The following RTRAF variants were observed in gnomAD, a reference collection of about 807,000 sequenced individuals.
RTRAF encodes tRNA-splicing ligase complex subunit RTRAF.
A neutral mutation model predicts 34.4 loss-of-function variants in RTRAF; 14 were observed. That is an observed-to-expected ratio of 0.41 (90% CI 0.27 to 0.64). The LOEUF is 0.64. Among genes scored for constraint, RTRAF ranks in the 30% least tolerant of loss-of-function variants. RTRAF has a pLI of 0.34. For synonymous variants in RTRAF, 96 were observed against 95.3 expected (o/e 1.01, Z -0.04); for missense variants, 291 against 288.4 (o/e 1.01, Z -0.06).
chr14:52,004,326 T>A lies in RTRAF; in HGVS notation c.581-36T>A, dbSNP rs562537400. On this transcript the variant is annotated intron_variant, in intron 7 of 7. Coordinates refer to ENST00000261700, the MANE Select transcript of RTRAF (RefSeq NM_016039.3). ...AATAAATGGCCTTAAATGTAAAAAT[T>A]ATGTATTGAAGCAGTGTTCTTTTCT... is the stretch of plus-strand genomic sequence containing the variant. 124 of 1,609,664 alleles carry A rather than the reference T, an allele frequency of 7.7e-5. 1 individual carries two copies. The South Asian group carries it at 1.4e-3, about 18-fold the overall frequency.
chr14:51,989,587 C>T lies in RTRAF; in HGVS notation c.-53C>T, dbSNP rs538270168. 1.3e-6 allele frequency: 2 copies of T among 1,546,018 alleles called. No homozygotes were observed. The highest frequency in any genetic ancestry group is 1.2e-5 in the South Asian group (1 of 83,186). The stretch of plus-strand genomic sequence containing the variant: ...GGTGCCTGCGCCTCCCGCTCCACCT[C>T]GCTTCTTCTCTCCCGGCCGAGGCCC... On this transcript the variant is annotated 5_prime_UTR_variant, in exon 1 of 8. Coordinates refer to ENST00000261700, the MANE Select transcript of RTRAF (RefSeq NM_016039.3).
rs1464652270 is a variant in RTRAF at position 52,005,395 on chromosome 14, T to C, written c.*879T>C. 1 of 1,318,014 alleles carries C rather than the reference T, an allele frequency of 7.6e-7. No individual in the cohort carries two copies. Among genetic ancestry groups the C allele is most frequent in the African/African-American group, 1.5e-5 (1 of 67,928 alleles). The allele number at this position is 1,318,014 out of a possible 1,614,324, so 81.6% of individuals were successfully genotyped here. The stretch of plus-strand genomic sequence containing the variant: ...TGCTCAGGAACGTCTAATGGCCAAT[T>C]CCTTTTTTACTTTCTTTGCCTTTGC... On this transcript the variant is annotated 3_prime_UTR_variant, in exon 8 of 8. Coordinates refer to ENST00000261700, the MANE Select transcript of RTRAF (RefSeq NM_016039.3).
chr14:52,007,792 T>A lies in RTRAF; in HGVS notation c.*3276T>A. On this transcript the variant is annotated 3_prime_UTR_variant, in exon 8 of 8. Transcript: ENST00000261700. ...TGTGATGAGAGGTTATCTATTTGCA[T>A]TCCATCAGTAGTATTACCTGCATCT... 1 of 1,607,166 alleles carries A rather than the reference T, an allele frequency of 6.2e-7. No individual in the cohort carries two copies. Among genetic ancestry groups the A allele is most frequent in the Middle Eastern group, 1.7e-4 (1 of 6,034 alleles).
chr14:52,001,173 C>T (rs989662375), intron 5 of RTRAF, among the ~76,000 whole-genome samples: 12 of 152,144 alleles, frequency 7.9e-5, no homozygotes, highest in African/African-American at 2.9e-4. Context: ...TAAGTTTTCA[C>T]ACTTATTTTT....
chr14:51,994,993 T>C (rs1273548252), intron 3 of RTRAF, among the ~76,000 whole-genome samples: 1 of 151,706 alleles, frequency 6.6e-6, no homozygotes, highest in Non-Finnish European at 1.5e-5. Flanking sequence ...TCTTATGTCT[T>C]AGCAGCAGTA....
In RTRAF at chr14:52,006,216, A is replaced by T; in HGVS notation, c.*1700A>T. The stretch of plus-strand genomic sequence containing the variant: ...TAAGCCCTGTAATATAGCTCATGGT[A>T]TCAAGGGTAGTCTTATTCTCTAAAG... On this transcript the variant is annotated 3_prime_UTR_variant, in exon 8 of 8. Coordinates refer to ENST00000261700, the MANE Select transcript of RTRAF (RefSeq NM_016039.3). 2.5e-6 allele frequency: 1 copy of T among 393,730 alleles called. No individual in the cohort carries two copies. Among genetic ancestry groups the T allele is most frequent in the South Asian group, 2.9e-5 (1 of 34,746 alleles). The allele number at this position is 393,730 out of a possible 1,614,324, so 24.4% of individuals were successfully genotyped here. A position where few individuals can be genotyped will look rare whatever the true frequency, so the allele number is the denominator to read the frequency against.
intron 1 of RTRAF, 124 bp from the exon 2 acceptor site, chr14:51,991,193 G>A: frequency 1.0e-6 from 1 of 980,652 alleles, no homozygotes; most frequent in African/African-American, 1.6e-5. Flanking sequence ...CCCTCTTTTG[G>A]TTCAATTAAT....
In RTRAF at chr14:52,008,934, A is replaced by T. The variant is rs919455737; in HGVS notation, c.*4418A>T. On this transcript the variant is annotated 3_prime_UTR_variant, in exon 8 of 8. Coordinates refer to ENST00000261700, the MANE Select transcript of RTRAF (RefSeq NM_016039.3). Reference sequence around the variant, plus strand: ...AAAATGAAATATATTCATAACAGATACTAACGAGGAAATATGGTCCTATTA... The same window carrying T: ...AAAATGAAATATATTCATAACAGATTCTAACGAGGAAATATGGTCCTATTA... The T allele has an allele frequency of 6.6e-6, 1 of 152,348 alleles. No homozygotes were observed. Among genetic ancestry groups the T allele is most frequent in the African/African-American group, 2.4e-5 (1 of 41,594 alleles). 9.4% of individuals were successfully genotyped at this position (152,348 alleles called of 1,614,324 possible). A position where few individuals can be genotyped will look rare whatever the true frequency, so the allele number is the denominator to read the frequency against.
intron 5 of RTRAF, 190 bp downstream of exon 5, chr14:51,999,986 T>A: frequency 2.1e-6 from 1 of 467,798 alleles, no homozygotes; most frequent in Admixed American, 3.5e-5. Context: ...CTATGCTAAA[T>A]CCTTTGCAAA....
chr14:51,993,601 A>G (rs1404621426), intron 2 of RTRAF, 122 bp from the exon 3 acceptor site: 5 of 636,138 alleles, frequency 7.9e-6, no homozygotes, highest in Non-Finnish European at 1.4e-5. Flanking sequence ...TCAAAAGTGT[A>G]GTAATGTTAT....
intron 1 of RTRAF, 72 bp from the exon 2 acceptor site, chr14:51,991,245 C>G: frequency 6.9e-7 from 1 of 1,454,592 alleles, no homozygotes; most frequent in Non-Finnish European, 9.5e-7. Flanking sequence ...GAACATATAT[C>G]TGAACATATA....
Position 52,005,899 on chromosome 14 carries a change from A to AAG in RTRAF, c.*1385_*1386dup. ...TTCAGGGACAGTCATTTACTAGATA[A>AAG]AGAAGTCAGTCAGCCACAGAAAATC... is the stretch of plus-strand genomic sequence containing the variant. On this transcript the variant is annotated 3_prime_UTR_variant, in exon 8 of 8. Transcript: ENST00000261700. The AAG allele has an allele frequency of 7.3e-7, 1 of 1,363,258 alleles. No homozygotes were observed. Among genetic ancestry groups the AAG allele is most frequent in the East Asian group, 2.4e-5 (1 of 42,198 alleles). 84.4% of individuals were successfully genotyped at this position (1,363,258 alleles called of 1,614,324 possible). A position where few individuals can be genotyped will look rare whatever the true frequency, so the allele number is the denominator to read the frequency against.
rs1337347202 is a variant in RTRAF at position 52,010,642 on chromosome 14, T to C, written c.*6126T>C. ...CTACATATCACATCACAGACTAATA[T>C]TGTTTATACCAGTCTTGTTTCCTCC... is the stretch of plus-strand genomic sequence containing the variant. On this transcript the variant is annotated 3_prime_UTR_variant, in exon 8 of 8. Coordinates refer to ENST00000261700, the MANE Select transcript of RTRAF (RefSeq NM_016039.3). 1.6e-5 allele frequency: 7 copies of C among 445,892 alleles called. No homozygotes were observed. Among genetic ancestry groups the C allele is most frequent in the Admixed American group, 3.3e-5 (1 of 29,976 alleles). The allele number at this position is 445,892 out of a possible 1,614,324, so 27.6% of individuals were successfully genotyped here.
rs1890743623 is a variant in RTRAF at position 52,005,622 on chromosome 14, G to A, written c.*1106G>A. 7 of 1,417,068 alleles carry A rather than the reference G, an allele frequency of 4.9e-6. No homozygotes were observed. Among genetic ancestry groups the A allele is most frequent in the Non-Finnish European group, 7.0e-6 (7 of 1,006,048 alleles). The allele number at this position is 1,417,068 out of a possible 1,614,324, so 87.8% of individuals were successfully genotyped here. ...TTAAGGTAGTAAAGACTGGCCCTCAGGGCAGGAAGAAGGCAATGGTGGCAG... is the reference window on the plus strand; with the variant it reads ...TTAAGGTAGTAAAGACTGGCCCTCAAGGCAGGAAGAAGGCAATGGTGGCAG... On this transcript the variant is annotated 3_prime_UTR_variant, in exon 8 of 8. Coordinates refer to ENST00000261700, the MANE Select transcript of RTRAF (RefSeq NM_016039.3).
At chr14:51,995,891 C>T (rs367592159) in intron 3 of RTRAF, among the ~76,000 whole-genome samples, 125 of 152,094 alleles carry the variant, frequency 8.2e-4, no homozygotes, top group African/African-American at 2.8e-3. Context: ...GATTTTAGGG[C>T]CTTTAACAAG....
rs1195144355 is a variant in RTRAF, at chr14:51,989,629, A to G, written c.-11A>G. 2.5e-6 allele frequency: 4 copies of G among 1,599,892 alleles called. No individual in the cohort carries two copies. In the Admixed American group the frequency reaches 6.8e-5, roughly 27 times the overall value. Reference sequence around the variant, plus strand: ...CCGAGGCCCGGGGGACCAGAGCGAGAAGCGGGGACCATGTTCCGACGCAAG... The same window carrying G: ...CCGAGGCCCGGGGGACCAGAGCGAGGAGCGGGGACCATGTTCCGACGCAAG... On this transcript the variant is annotated 5_prime_UTR_variant, in exon 1 of 8. Transcript: ENST00000261700.
chr14:52,006,308 T>A lies in RTRAF; in HGVS notation c.*1792T>A. 1 of 496,008 alleles carries A rather than the reference T, an allele frequency of 2.0e-6. No individual in the cohort carries two copies. Among genetic ancestry groups the A allele is most frequent in the Non-Finnish European group, 3.6e-6 (1 of 274,590 alleles). The allele number at this position is 496,008 out of a possible 1,614,324, so 30.7% of individuals were successfully genotyped here. ...AATAGCTTTGCTACTTTTTAAGCTATATGTGAGCAATACCATTCGATTTCT... is the reference window on the plus strand; with the variant it reads ...AATAGCTTTGCTACTTTTTAAGCTAAATGTGAGCAATACCATTCGATTTCT... On this transcript the variant is annotated 3_prime_UTR_variant, in exon 8 of 8. Coordinates refer to ENST00000261700, the MANE Select transcript of RTRAF (RefSeq NM_016039.3).
rs1463639587 is a variant in RTRAF at position 52,006,154 on chromosome 14, C to G, written c.*1638C>G. ...ACTAGTCTAAATAGTATTTTTCGGT[C>G]CCTCAGACAATATGTCCACAGTGTC... On this transcript the variant is annotated 3_prime_UTR_variant, in exon 8 of 8. Coordinates refer to ENST00000261700, the MANE Select transcript of RTRAF (RefSeq NM_016039.3). 1 of 409,770 alleles carries G rather than the reference C, an allele frequency of 2.4e-6. No individual in the cohort carries two copies. The highest frequency in any genetic ancestry group is 4.8e-5 in the East Asian group (1 of 20,830). The allele number at this position is 409,770 out of a possible 1,614,324, so 25.4% of individuals were successfully genotyped here.
Position 52,008,161 on chromosome 14 carries a change from C to T in RTRAF, c.*3645C>T, listed in dbSNP as rs1025062568. 8 of 464,612 alleles carry T rather than the reference C, an allele frequency of 1.7e-5. No homozygotes were observed. The highest frequency in any genetic ancestry group is 1.2e-4 in the Admixed American group (3 of 24,788). The allele number at this position is 464,612 out of a possible 1,614,324, so 28.8% of individuals were successfully genotyped here. A position where few individuals can be genotyped will look rare whatever the true frequency, so the allele number is the denominator to read the frequency against. On this transcript the variant is annotated 3_prime_UTR_variant, in exon 8 of 8. Coordinates refer to ENST00000261700, the MANE Select transcript of RTRAF (RefSeq NM_016039.3). ...AGCAGAAGTGATAGGCTATCACTGC[C>T]GATATTCGGTCTCAAAAAACTGGTT...
Sources: gnomAD v4.1 joint callset for allele counts (sites outside exome capture counted in the v4.1 genomes callset) on GRCh38, gnomAD v4.1.1 for gene constraint, MANE v1.5 for transcripts, NCBI Gene and HGNC (gene_info 2026-07-23, HGNC 2026-07-21) for gene names.